The following KCNK2 variants were observed in gnomAD, a reference collection of about 807,000 sequenced individuals.
The protein encoded by KCNK2 is potassium channel subfamily K member 2.
A neutral mutation model predicts 40.5 loss-of-function variants in KCNK2; 21 were observed. The observed-to-expected ratio is 0.52, with a 90% confidence interval of 0.37 to 0.75. The LOEUF (loss-of-function observed/expected upper bound fraction) is 0.75. Among genes scored for constraint, KCNK2 ranks in the 30% least tolerant of loss-of-function variants. The pLI, the probability that KCNK2 is intolerant of heterozygous loss-of-function variation, is 0.00. For missense variants in KCNK2, 399 were observed against 531.6 expected (o/e 0.75, Z 2.45); for synonymous variants, 191 against 202.2 (o/e 0.94, Z 0.47).
At chr1:215,228,589 G>A (rs12734164) in intron 6 of KCNK2, among the ~76,000 whole-genome samples, 2 of 152,072 alleles carry the variant, frequency 1.3e-5, no homozygotes, top group Non-Finnish European at 2.9e-5. Context: ...TTTTGGAGCT[G>A]TTTTTCCTCA....
chr1:215,167,472 A>T (rs1452256429), intron 3 of KCNK2, among the ~76,000 whole-genome samples: 1 of 152,136 alleles, frequency 6.6e-6, no homozygotes, highest in Non-Finnish European at 1.5e-5. Context: ...GTACTTCTAG[A>T]AGTATATTTT....
At chr1:215,136,312 G>A (rs1267637530) in intron 3 of KCNK2, among the ~76,000 whole-genome samples, 1 of 150,910 alleles carries the variant, frequency 6.6e-6, no homozygotes, top group Non-Finnish European at 1.5e-5. Context: ...GCCCAGGCTT[G>A]TCTCGAACTC....
intron 1 of KCNK2, among the ~76,000 whole-genome samples, chr1:215,016,108 A>G (rs1175902175): frequency 1.3e-5 from 2 of 152,208 alleles, no homozygotes; most frequent in East Asian, 1.9e-4. Flanking sequence ...AATAAAAATG[A>G]CAAACAACAA....
chr1:215,209,240 A>G (rs1394969464), intron 6 of KCNK2, among the ~76,000 whole-genome samples: 3 of 127,086 alleles, frequency 2.4e-5, no homozygotes, highest in Non-Finnish European at 4.7e-5. Flanking sequence ...AAATATATAT[A>G]AATATACACA....
At chr1:215,184,070 G>A (rs1284428515) in intron 5 of KCNK2, among the ~76,000 whole-genome samples, 3 of 152,114 alleles carry the variant, frequency 2.0e-5, no homozygotes, top group Non-Finnish European at 2.9e-5. Flanking sequence ...ATGTACCAGT[G>A]TATATCCTCT....
At chr1:215,152,938 T>C (rs927571761) in intron 3 of KCNK2, among the ~76,000 whole-genome samples, 2 of 152,190 alleles carry the variant, frequency 1.3e-5, no homozygotes, top group Admixed American at 1.3e-4. Flanking sequence ...TGTCAATAAA[T>C]GTAACAATAA....
At chr1:215,215,083 T>C (rs576204534) in intron 6 of KCNK2, among the ~76,000 whole-genome samples, 1 of 152,286 alleles carries the variant, frequency 6.6e-6, no homozygotes, top group Admixed American at 6.5e-5. Context: ...GTTAAAGCCT[T>C]TGAGAAACTT....
chr1:215,106,786 T>A (rs563707112), intron 2 of KCNK2, among the ~76,000 whole-genome samples: 1 of 152,122 alleles, frequency 6.6e-6, no homozygotes, highest in Non-Finnish European at 1.5e-5. Context: ...GGAGTCCAGT[T>A]TCATTCATCT....
intron 1 of KCNK2, among the ~76,000 whole-genome samples, chr1:215,071,706 A>G (rs947649959): frequency 6.6e-6 from 1 of 152,234 alleles, no homozygotes; most frequent in Non-Finnish European, 1.5e-5. Context: ...CATAAATTGC[A>G]TCATCAAAAT....
At chr1:215,048,251 G>T (rs4655388) in intron 1 of KCNK2, among the ~76,000 whole-genome samples, 18 of 152,014 alleles carry the variant, frequency 1.2e-4, no homozygotes, top group Admixed American at 2.6e-4. Context: ...TGTGAATTTG[G>T]TATTGACTCT....
intron 1 of KCNK2, among the ~76,000 whole-genome samples, chr1:215,007,025 A>ATG (rs1164769909): frequency 2.2e-4 from 7 of 32,032 alleles, no homozygotes; most frequent in Non-Finnish European, 5.3e-4. Flanking sequence ...ATATATATAT[A>ATG]TATATATATA....
At chr1:215,066,668 T>A (rs1171321367) in intron 1 of KCNK2, among the ~76,000 whole-genome samples, 7 of 152,126 alleles carry the variant, frequency 4.6e-5, no homozygotes, top group Admixed American at 4.6e-4. Flanking sequence ...CAATAGTCAG[T>A]AGAGAGGGCT....
intron 2 of KCNK2, among the ~76,000 whole-genome samples, chr1:215,122,123 A>G (rs751610733): frequency 2.0e-5 from 3 of 152,132 alleles, no homozygotes; most frequent in Non-Finnish European, 4.4e-5. Flanking sequence ...AACCTTATAG[A>G]TCTATATGGT....
chr1:215,233,095 C>G (rs1666738187), intron 6 of KCNK2, among the ~76,000 whole-genome samples: 1 of 152,084 alleles, frequency 6.6e-6, no homozygotes, highest in Non-Finnish European at 1.5e-5. Context: ...GACAGGATCC[C>G]TTATAGGAAC....
At chr1:215,107,657 T>C (rs992788992) in intron 2 of KCNK2, among the ~76,000 whole-genome samples, 1 of 152,144 alleles carries the variant, frequency 6.6e-6, no homozygotes, top group South Asian at 2.1e-4. Flanking sequence ...GTAATGTCTA[T>C]GCAAGTCCTT....
At chr1:215,059,603 T>A (rs1018438164) in intron 1 of KCNK2, among the ~76,000 whole-genome samples, 2 of 152,192 alleles carry the variant, frequency 1.3e-5, no homozygotes, top group African/African-American at 4.8e-5. Flanking sequence ...TTAGAAATGT[T>A]TGGAGACTGT....
chr1:215,116,080 A>G (rs1660926415), intron 2 of KCNK2, among the ~76,000 whole-genome samples: 1 of 151,768 alleles, frequency 6.6e-6, no homozygotes, highest in South Asian at 2.1e-4. Context: ...CAAGTCAGCT[A>G]ATGGTTACTT....
chr1:215,094,143 A>G (rs1204738933), intron 2 of KCNK2, among the ~76,000 whole-genome samples: 1 of 150,584 alleles, frequency 6.6e-6, no homozygotes, highest in Non-Finnish European at 1.5e-5. Flanking sequence ...GAGTACAATT[A>G]TTTTTTATTT....
At chr1:215,076,728 G>A (rs929245020) in intron 1 of KCNK2, among the ~76,000 whole-genome samples, 1 of 152,156 alleles carries the variant, frequency 6.6e-6, no homozygotes, top group African/African-American at 2.4e-5. Flanking sequence ...CTCGAGGGGA[G>A]GGGTGAAACA....
Sources: gnomAD v4.1 joint callset for allele counts (sites outside exome capture counted in the v4.1 genomes callset) on GRCh38, gnomAD v4.1.1 for gene constraint, MANE v1.5 for transcripts, NCBI Gene and HGNC (gene_info 2026-07-23, HGNC 2026-07-21) for gene names.